The following MPPED1 variants were observed in gnomAD, a reference collection of about 807,000 sequenced individuals.
The protein encoded by MPPED1 is metallophosphoesterase domain-containing protein 1.
A neutral mutation model predicts 36.2 loss-of-function variants in MPPED1; 16 were observed. The observed-to-expected ratio is 0.44, with a 90% CI of 0.30 to 0.67. The LOEUF (loss-of-function observed/expected upper bound fraction) is 0.67, where lower values mean the gene tolerates loss of function less well. Ranked by LOEUF, MPPED1 falls within the 30% of genes least tolerant of loss-of-function variation. MPPED1 has a pLI of 0.10. For missense variants in MPPED1, 307 were observed against 453.4 expected (o/e 0.68, Z 2.93); for synonymous variants, 199 against 191.3 (o/e 1.04, Z -0.33).
intron 3 of MPPED1, among the ~76,000 whole-genome samples, chr22:43,465,838 G>A (rs1931149683): frequency 6.6e-6 from 1 of 152,194 alleles, no homozygotes; most frequent in African/African-American, 2.4e-5. Context: ...TGCAAGGTTG[G>A]ACGAGGAGGG....
At chr22:43,498,531 CA>C (rs1932505592) in intron 5 of MPPED1, among the ~76,000 whole-genome samples, 181 bp downstream of exon 5, 1 of 152,038 alleles carries the variant, frequency 6.6e-6, no homozygotes, top group African/African-American at 2.4e-5. Flanking sequence ...CCACTGAGAG[CA>C]GGGGGCTTGA....
At chr22:43,434,973 C>G in intron 2 of MPPED1, 61 bp from the exon 3 acceptor site, 2 of 1,550,988 alleles carry the variant, frequency 1.3e-6, no homozygotes, top group Non-Finnish European at 1.8e-6. Flanking sequence ...GCTGCAGACA[C>G]ACCACCCGCA....
intron 6 of MPPED1, among the ~76,000 whole-genome samples, chr22:43,505,043 T>C (rs188388710): frequency 6.6e-6 from 1 of 151,250 alleles, no homozygotes; most frequent in East Asian, 1.9e-4. Flanking sequence ...GATAAGGGTG[T>C]TGGTGATGAT....
At chr22:43,482,606 G>T (rs1039509770) in intron 4 of MPPED1, among the ~76,000 whole-genome samples, 6 of 152,232 alleles carry the variant, frequency 3.9e-5, no homozygotes, top group African/African-American at 1.4e-4. Context: ...AAGAGGGATA[G>T]TCCCCTTGCA....
chr22:43,466,867 C>T (rs1931190363), intron 3 of MPPED1, among the ~76,000 whole-genome samples: 1 of 152,210 alleles, frequency 6.6e-6, no homozygotes, highest in African/African-American at 2.4e-5. Flanking sequence ...CCTCACCCTC[C>T]ACCTCCTGAT....
rs74609783 is a variant in MPPED1 at position 43,486,359 on chromosome 22, G to A, written c.632+11398G>A. 4.6e-3 allele frequency among the ~76,000 whole-genome samples: 701 copies of A among 152,294 alleles called. 6 individuals carry two copies. Among genetic ancestry groups the A allele is most frequent in the African/African-American group, 0.016 (664 of 41,544 alleles). On this transcript the variant is annotated intron_variant, in intron 4 of 6. Transcript: ENST00000443721. The stretch of plus-strand genomic sequence containing the variant: ...CCATGGCTGGCTCCCTGGAAAGCCC[G>A]GCCTCTTTGGGGAGGGGAGGTATTG...
chr22:43,412,204 C>CGGGCGCG (rs1928925386), intron 1 of MPPED1, 46 bp downstream of exon 1: 3 of 948,702 alleles, frequency 3.2e-6, no homozygotes, highest in South Asian at 4.7e-5. Context: ...GGCGGGAGGC[C>CGGGCGCG]GGGCGCGGGG....
At chr22:43,413,001 C>T (rs1928959494) in intron 1 of MPPED1, among the ~76,000 whole-genome samples, 1 of 152,228 alleles carries the variant, frequency 6.6e-6, no homozygotes, top group Non-Finnish European at 1.5e-5. Context: ...CCCACCTCTC[C>T]GGGCTCAAGC....
chr22:43,419,064 CTG>C (rs1929172234), intron 1 of MPPED1: 1 of 152,156 alleles, frequency 6.6e-6, no homozygotes, highest in South Asian at 2.1e-4. Context: ...TTTGAATCTC[CTG>C]TGTCCTTCAG....
intron 4 of MPPED1, among the ~76,000 whole-genome samples, chr22:43,475,322 CA>C (rs1931509675): frequency 6.6e-6 from 1 of 152,002 alleles, no homozygotes; most frequent in Non-Finnish European, 1.5e-5. Flanking sequence ...GGATTAAACC[CA>C]AGCAATTTGG....
At chr22:43,498,594 C>A (rs1932507295) in intron 5 of MPPED1, among the ~76,000 whole-genome samples, 1 of 152,106 alleles carries the variant, frequency 6.6e-6, no homozygotes, top group Admixed American at 6.5e-5. Flanking sequence ...GAATCACCTG[C>A]CCATTTGACA....
At chr22:43,488,823 C>A (rs570495046) in intron 4 of MPPED1, among the ~76,000 whole-genome samples, 1 of 152,234 alleles carries the variant, frequency 6.6e-6, no homozygotes, top group Non-Finnish European at 1.5e-5. Flanking sequence ...AGCGGGAATT[C>A]GCATCCGTCC....
chr22:43,447,883 A>ATATATATATATATATATATATTT (rs1321289636), intron 3 of MPPED1, among the ~76,000 whole-genome samples: 37 of 67,682 alleles, frequency 5.5e-4, no homozygotes, highest in African/African-American at 9.4e-4. Flanking sequence ...ATATATATAT[A>ATATATATATATATATATATATTT]TTTTTTTTTT....
At chr22:43,500,278 C>CGGTGGTGATGGTGGTGGTGGTGATGGG (rs773765868) in intron 5 of MPPED1, among the ~76,000 whole-genome samples, 26 of 19,832 alleles carry the variant, frequency 1.3e-3, no homozygotes, top group Non-Finnish European at 1.5e-3. Context: ...ATGGAGGTGG[C>CGGTGGTGATGGTGGTGGTGGTGATGGG]GGTGGTGATG....
chr22:43,414,854 C>T (rs1443434651), intron 1 of MPPED1, among the ~76,000 whole-genome samples: 1 of 152,086 alleles, frequency 6.6e-6, no homozygotes, highest in Non-Finnish European at 1.5e-5. Context: ...GAGCAAGGGT[C>T]CTGGGGCAAA....
At chr22:43,496,292 G>C (rs1237710649) in intron 4 of MPPED1, among the ~76,000 whole-genome samples, 1 of 52,720 alleles carries the variant, frequency 1.9e-5, no homozygotes, top group Non-Finnish European at 3.3e-5. Flanking sequence ...GGTGGTGGAG[G>C]TGGTGGTGGA....
chr22:43,463,823 CTTT>C (rs1931049998), intron 3 of MPPED1, among the ~76,000 whole-genome samples: 1 of 77,868 alleles, frequency 1.3e-5, no homozygotes, highest in African/African-American at 4.4e-5. Context: ...TTCTTTCTTT[CTTT>C]CTTTCTTTCT....
intron 3 of MPPED1, among the ~76,000 whole-genome samples, chr22:43,471,415 T>C (rs889614366): frequency 3.9e-5 from 6 of 152,090 alleles, no homozygotes; most frequent in African/African-American, 1.4e-4. Flanking sequence ...GAGTCTGAGG[T>C]GCCCGTCTAG....
chr22:43,480,414 T>G (rs1931712974), intron 4 of MPPED1, among the ~76,000 whole-genome samples: 2 of 152,222 alleles, frequency 1.3e-5, no homozygotes, highest in Non-Finnish European at 2.9e-5. Context: ...GCTGGTGCAG[T>G]GTCTCTGGGT....
Sources: gnomAD v4.1 joint callset for allele counts (sites outside exome capture counted in the v4.1 genomes callset) on GRCh38, gnomAD v4.1.1 for gene constraint, MANE v1.5 for transcripts, NCBI Gene and HGNC (gene_info 2026-07-23, HGNC 2026-07-21) for gene names.